Variants in YTHDC2 observed in about 807,000 individuals in gnomAD.
YTHDC2 encodes the protein 3'-5' RNA helicase YTHDC2.
A neutral mutation model predicts 174.9 loss-of-function variants in YTHDC2; 45 were observed. The observed-to-expected ratio is 0.26, with a 90% confidence interval of 0.20 to 0.33. The LOEUF is 0.33. YTHDC2 is among the 10% of genes least tolerant of loss of function. The pLI is 1.00. For synonymous variants in YTHDC2, 657 were observed against 574.5 expected, an observed-to-expected ratio of 1.14 and a Z score of -2.05; for missense variants, 1,650 against 1,723.7, an observed-to-expected ratio of 0.96 and a Z score of 0.76.
intron 10 of YTHDC2, among the ~76,000 whole-genome samples, chr5:113,547,004 CT>C (rs1775926621): frequency 6.6e-6 from 1 of 152,288 alleles, no homozygotes; most frequent in East Asian, 1.9e-4. Flanking sequence ...GTTGTAGTTA[CT>C]TTTTATGACC....
At chr5:113,578,631 G>A (rs981215100) in intron 23 of YTHDC2, among the ~76,000 whole-genome samples, 10 of 152,170 alleles carry the variant, frequency 6.6e-5, no homozygotes, top group African/African-American at 2.4e-4. Context: ...CTGACCTGTA[G>A]GGTTTGTGTG....
intron 23 of YTHDC2, among the ~76,000 whole-genome samples, chr5:113,570,953 G>A (rs190880191): frequency 2.6e-5 from 4 of 152,078 alleles, no homozygotes; most frequent in Admixed American, 2.0e-4. Flanking sequence ...GCACCCACCC[G>A]ACGTGAATAC....
Position 113,581,399 on chromosome 5 carries a change from CT to C in YTHDC2, c.3355-17del. ...ATATGTGATATTCATTTGCTTGTAT[CT>C]ATTTGAACTATTACAGGCAGCTAGT... On this transcript the variant is annotated splice_polypyrimidine_tract_variant and intron_variant, in intron 24 of 29. Coordinates refer to ENST00000161863, the MANE Select transcript of YTHDC2 (RefSeq NM_022828.5). The C allele has an allele frequency of 6.4e-7, 1 of 1,556,282 alleles. No homozygotes were observed. Among genetic ancestry groups the C allele is most frequent in the Non-Finnish European group, 8.7e-7 (1 of 1,154,472 alleles).
In YTHDC2 at chr5:113,595,257, T is replaced by C. The variant is rs561697433; in HGVS notation, c.*1783T>C. On this transcript the variant is annotated 3_prime_UTR_variant, in exon 30 of 30. Transcript: ENST00000161863. ...TTTTTTGGAAGCGATAAACTTTAAATATACTTATTAAAATGAAATTCTATT... is the reference window on the plus strand; with the variant it reads ...TTTTTTGGAAGCGATAAACTTTAAACATACTTATTAAAATGAAATTCTATT... The C allele has an allele frequency of 3.0e-4, 45 of 152,242 alleles. No homozygotes were observed. The highest frequency in any genetic ancestry group is 1.0e-3 in the African/African-American group (42 of 41,580). 9.4% of individuals were successfully genotyped at this position (152,242 alleles called of 1,614,324 possible).
At chr5:113,522,782 C>G (rs990673315) in intron 2 of YTHDC2, among the ~76,000 whole-genome samples, 2 of 152,078 alleles carry the variant, frequency 1.3e-5, no homozygotes, top group Admixed American at 6.5e-5. Context: ...TTCATTAATC[C>G]TTTTATGATA....
At chr5:113,528,889 T>C (rs570807753) in intron 4 of YTHDC2, among the ~76,000 whole-genome samples, 6 of 152,186 alleles carry the variant, frequency 3.9e-5, no homozygotes, top group African/African-American at 1.4e-4. Flanking sequence ...TGCTCGTGGG[T>C]TTTTGTTTGT....
chr5:113,535,692 A>C lies in YTHDC2; in HGVS notation c.996A>C (p.Leu332Phe), dbSNP rs756450801. Residue 332 changes from leucine (L) to phenylalanine (F), a missense_variant, in exon 7 of 30, where the codon TTA becomes TTC. Leu to Phe is a conservative substitution (Grantham distance 22). This residue lies in a region of YTHDC2 where 411 missense variants were observed against 380.6 expected (regional missense o/e 1.08). Coordinates refer to ENST00000161863, the MANE Select transcript of YTHDC2 (RefSeq NM_022828.5). ...DRFSDFLLTKLRDLLQKHPTL... is the reference protein window; with the variant it reads ...DRFSDFLLTKFRDLLQKHPTL... Reference sequence around the variant, plus strand: ...TTAGTGATTTTTTACTTACAAAGTTAAGAGATTTGTTGCAAAAGCACCCAA... The same window carrying C: ...TTAGTGATTTTTTACTTACAAAGTTCAGAGATTTGTTGCAAAAGCACCCAA... 6.2e-7 allele frequency: 1 copy of C among 1,613,760 alleles called. No individual in the cohort carries two copies. Among genetic ancestry groups the C allele is most frequent in the South Asian group, 1.1e-5 (1 of 91,008 alleles).
intron 26 of YTHDC2, among the ~76,000 whole-genome samples, chr5:113,585,042 G>A (rs1325758162): frequency 1.3e-5 from 2 of 151,958 alleles, no homozygotes. Flanking sequence ...CAGCCTCCGA[G>A]TGGCAGGGAT....
chr5:113,559,106 A>G lies in YTHDC2; in HGVS notation c.2217-1974A>G, dbSNP rs147518431. ...GCTAAGGGTTCAATCTCAGAGGACC[A>G]TAAACATTTAAGGACTAGGCAAATA... On this transcript the variant is annotated intron_variant, in intron 17 of 29. Transcript: ENST00000161863. Among the ~76,000 whole-genome samples the G allele has an allele frequency of 1.6e-4, 25 of 152,202 alleles. No homozygotes were observed. In the East Asian group the frequency reaches 3.7e-3, roughly 22 times the overall value.
chr5:113,578,392 G>GT (rs145060796), intron 23 of YTHDC2, among the ~76,000 whole-genome samples: 19,140 of 148,160 alleles, frequency 0.13, 1,464 homozygotes, highest in Non-Finnish European at 0.18. Flanking sequence ...GTTTTGTTTT[G>GT]TTTTTTTGTG....
At chr5:113,566,123 CATT>C in intron 21 of YTHDC2, 104 bp downstream of exon 21, 1 of 1,270,946 alleles carries the variant, frequency 7.9e-7, no homozygotes, top group East Asian at 2.5e-5. Context: ...ATTTTTATGA[CATT>C]ATCATGTTGT....
At chr5:113,578,774 A>G (rs1040460066) in intron 23 of YTHDC2, among the ~76,000 whole-genome samples, 6 of 151,986 alleles carry the variant, frequency 3.9e-5, no homozygotes, top group Admixed American at 3.3e-4. Flanking sequence ...GGTATTCTGG[A>G]TTTCTTTGTT....
intron 2 of YTHDC2, among the ~76,000 whole-genome samples, chr5:113,519,970 G>A (rs890752910): frequency 6.6e-6 from 1 of 152,104 alleles, no homozygotes; most frequent in Non-Finnish European, 1.5e-5. Flanking sequence ...TGCCCTGGTG[G>A]TTTGCTGCAC....
chr5:113,532,838 G>T, intron 4 of YTHDC2, 41 bp from the exon 5 acceptor site: 1 of 1,555,724 alleles, frequency 6.4e-7, no homozygotes, highest in African/African-American at 1.4e-5. Context: ...TTTGTATTAT[G>T]TGATCATGTC....
chr5:113,585,875 G>GT (rs1778653012), intron 26 of YTHDC2, among the ~76,000 whole-genome samples: 1 of 151,784 alleles, frequency 6.6e-6, no homozygotes, highest in African/African-American at 2.4e-5. Context: ...ACTATGGTTG[G>GT]TTTTTCCATT....
intron 26 of YTHDC2, among the ~76,000 whole-genome samples, chr5:113,589,408 A>AAATATAT (rs368975720): frequency 3.2e-4 from 39 of 123,238 alleles, no homozygotes; most frequent in African/African-American, 5.5e-4. Flanking sequence ...AAAAAAAAAA[A>AAATATAT]ATATATATAT....
chr5:113,559,124 G>C (rs1240539991), intron 17 of YTHDC2, among the ~76,000 whole-genome samples: 1 of 149,548 alleles, frequency 6.7e-6, no homozygotes, highest in African/African-American at 2.5e-5. Context: ...TTAAGGACTA[G>C]GCAAATATAG....
rs1776375202 is a variant in YTHDC2, at chr5:113,553,190, G to T, written c.1698G>T (p.Leu566=). The part of the protein sequence containing the change: ...VDLLESYSAT[L]EFGNLDESSL... ...TTTTTTTTTTTTTCAGTGCTACACT[G>T]GAATTTGGAAATCTAGATGAAAGTT... Residue 566 remains leucine (L), a synonymous_variant, in exon 13 of 30, where the codon CTG becomes CTT. Coordinates refer to ENST00000161863, the MANE Select transcript of YTHDC2 (RefSeq NM_022828.5). 6 of 1,416,650 alleles carry T rather than the reference G, an allele frequency of 4.2e-6. No homozygotes were observed. The highest frequency in any genetic ancestry group is 1.4e-5 in the South Asian group (1 of 73,678). The allele number at this position is 1,416,650 out of a possible 1,614,324, so 87.8% of individuals were successfully genotyped here. A position where few individuals can be genotyped will look rare whatever the true frequency, so the allele number is the denominator to read the frequency against.
At chr5:113,544,339 C>T (rs905987748) in intron 10 of YTHDC2, among the ~76,000 whole-genome samples, 7 of 151,920 alleles carry the variant, frequency 4.6e-5, no homozygotes, top group South Asian at 2.1e-4. Flanking sequence ...TTAGTAGAGA[C>T]GGAGTTTCAC....
Sources: gnomAD v4.1 joint callset for allele counts (sites outside exome capture counted in the v4.1 genomes callset) on GRCh38, gnomAD v4.1.1 for gene constraint, gnomAD v4.1.1 regional missense constraint, MANE v1.5 for transcripts, NCBI Gene and HGNC (gene_info 2026-07-23, HGNC 2026-07-21) for gene names.